Variants in DCDC1 observed in about 807,000 individuals in gnomAD.
The protein encoded by DCDC1 is doublecortin domain-containing protein 1.
Under a neutral mutation model 178.3 loss-of-function variants are expected in DCDC1, and 200 were observed. The ratio of observed to expected loss-of-function variants is 1.12; its 90% CI spans 1.00 to 1.26. The LOEUF (loss-of-function observed/expected upper bound fraction) is 1.26. Ranked by LOEUF, DCDC1 falls within the 50% of genes most tolerant of loss-of-function variation. The pLI is 0.00. For missense variants in DCDC1, 1,983 were observed against 1,749.2 expected (o/e 1.13, Z -2.38); for synonymous variants, 690 against 604.8 (o/e 1.14, Z -2.07).
intron 1 of DCDC1, among the ~76,000 whole-genome samples, chr11:31,358,204 T>G (rs1176120716): frequency 6.6e-6 from 1 of 151,910 alleles, no homozygotes; most frequent in African/African-American, 2.4e-5. Flanking sequence ...AAGGCTACAG[T>G]AACCAAAACA....
chr11:31,152,081 A>G (rs1965229559), intron 9 of DCDC1, among the ~76,000 whole-genome samples: 1 of 152,210 alleles, frequency 6.6e-6, no homozygotes, highest in Non-Finnish European at 1.5e-5. Flanking sequence ...TTATTTGTCA[A>G]TTAAAAATAA....
intron 20 of DCDC1, among the ~76,000 whole-genome samples, chr11:31,012,191 T>G (rs1190385759): frequency 3.9e-5 from 6 of 152,206 alleles, no homozygotes; most frequent in African/African-American, 1.4e-4. Context: ...CGAATTAAAC[T>G]TCTTTTCTTT....
chr11:31,101,814 C>A (rs754478534), intron 15 of DCDC1, among the ~76,000 whole-genome samples: 1 of 152,044 alleles, frequency 6.6e-6, no homozygotes, highest in Non-Finnish European at 1.5e-5. Context: ...CAGTGGCTCA[C>A]GCCTGTAATC....
chr11:31,031,357 T>C (rs1161826207), intron 20 of DCDC1, among the ~76,000 whole-genome samples: 2 of 152,148 alleles, frequency 1.3e-5, no homozygotes, highest in Admixed American at 6.5e-5. Context: ...TCCCCTAACC[T>C]GGTAATGTTA....
intron 9 of DCDC1, chr11:31,156,079 T>G (rs889566529): frequency 1.3e-5 from 2 of 152,194 alleles, no homozygotes; most frequent in East Asian, 1.9e-4. Flanking sequence ...AAGAAACAGA[T>G]AGTAAATACT....
At chr11:30,954,900 G>A (rs746314700) in intron 20 of DCDC1, among the ~76,000 whole-genome samples, 5 of 152,042 alleles carry the variant, frequency 3.3e-5, no homozygotes, top group Non-Finnish European at 5.9e-5. Flanking sequence ...GTCTTGTTTC[G>A]TGGAGTGTTG....
intron 20 of DCDC1, among the ~76,000 whole-genome samples, chr11:31,051,729 A>G (rs1387290242): frequency 6.6e-6 from 1 of 152,166 alleles, no homozygotes; most frequent in Non-Finnish European, 1.5e-5. Context: ...AAAACTAAGC[A>G]TCATATATGG....
intron 20 of DCDC1, among the ~76,000 whole-genome samples, chr11:30,960,928 A>G (rs1949057838): frequency 6.6e-6 from 1 of 152,152 alleles, no homozygotes; most frequent in Admixed American, 6.6e-5. Context: ...GGATAGGAGT[A>G]TGAACAAAGT....
chr11:31,306,384 C>T lies in DCDC1; in HGVS notation c.439G>A (p.Ala147Thr). The change falls in exon 5 of 39, where the codon GCA becomes ACA. Residue 147 changes from alanine to threonine, a missense_variant. Physicochemically the swap from Ala to Thr is moderately conservative, Grantham distance 58. Transcript: ENST00000684477. ...TGAAATTTTAAAGAAGAGAACTCTG[C>T]AACCCTGAAGAAAAAGAAAAACAGA... is the stretch of plus-strand genomic sequence containing the variant. The part of the protein sequence containing the change: ...VSAPVGQLRV[A>T]EFSSLKFQSA... 6.3e-7 allele frequency: 1 copy of T among 1,596,266 alleles called. No homozygotes were observed. The highest frequency in any genetic ancestry group is 8.5e-7 in the Non-Finnish European group (1 of 1,173,944).
At chr11:31,054,949 C>T (rs1439945896) in intron 20 of DCDC1, among the ~76,000 whole-genome samples, 1 of 152,018 alleles carries the variant, frequency 6.6e-6, no homozygotes, top group Non-Finnish European at 1.5e-5. Context: ...TGATGAAGAA[C>T]CTAAAAGCAA....
intron 37 of DCDC1, 75 bp downstream of exon 37, chr11:30,881,083 T>C: frequency 6.6e-7 from 1 of 1,519,294 alleles, no homozygotes; most frequent in Non-Finnish European, 9.0e-7. Flanking sequence ...TGTGATGGGA[T>C]ATAAGCTCTT....
chr11:31,146,293 C>T (rs1352300742), intron 9 of DCDC1, among the ~76,000 whole-genome samples: 1 of 151,988 alleles, frequency 6.6e-6, no homozygotes, highest in East Asian at 1.9e-4. Flanking sequence ...ACCATGTTGG[C>T]CAGGCTGGTC....
At chr11:31,316,052 C>T (rs1191759942) in intron 3 of DCDC1, among the ~76,000 whole-genome samples, 1 of 93,404 alleles carries the variant, frequency 1.1e-5, no homozygotes, top group Non-Finnish European at 2.0e-5. Context: ...ATCCATCTAT[C>T]ATTGTTGGAC....
chr11:31,052,239 G>T (rs187120135), intron 20 of DCDC1, among the ~76,000 whole-genome samples: 1 of 151,986 alleles, frequency 6.6e-6, no homozygotes, highest in African/African-American at 2.4e-5. Flanking sequence ...AAGCAACAGC[G>T]GTTAAAAGAG....
chr11:31,066,211 T>A (rs1956240049), intron 18 of DCDC1, among the ~76,000 whole-genome samples: 1 of 152,238 alleles, frequency 6.6e-6, no homozygotes, highest in South Asian at 2.1e-4. Flanking sequence ...GGCTCTAGCC[T>A]AGCTTACCAA....
chr11:31,283,376 T>A (rs539225924), intron 7 of DCDC1, among the ~76,000 whole-genome samples: 2 of 148,800 alleles, frequency 1.3e-5, no homozygotes, highest in Non-Finnish European at 3.0e-5. Context: ...TTTTTTTTTT[T>A]GTTTTTTGTT....
At chr11:31,139,668 G>A (rs1430517884) in intron 9 of DCDC1, among the ~76,000 whole-genome samples, 1 of 152,096 alleles carries the variant, frequency 6.6e-6, no homozygotes, top group Non-Finnish European at 1.5e-5. Context: ...CGATGCTAAC[G>A]AGTTTTCAGG....
chr11:30,990,513 G>C (rs1565159519), intron 20 of DCDC1, among the ~76,000 whole-genome samples: 1 of 152,120 alleles, frequency 6.6e-6, no homozygotes, highest in East Asian at 1.9e-4. Flanking sequence ...AAATATAAGA[G>C]ACAAGATGTG....
At chr11:30,872,600 C>A (rs1276686662) in intron 38 of DCDC1, among the ~76,000 whole-genome samples, 4 of 152,098 alleles carry the variant, frequency 2.6e-5, no homozygotes, top group Non-Finnish European at 4.4e-5. Flanking sequence ...GTAGCTTGAG[C>A]ATGCCACGCT....
Sources: allele counts gnomAD v4.1 joint callset (sites outside exome capture counted in the v4.1 genomes callset), GRCh38; gene constraint gnomAD v4.1.1; transcripts MANE v1.5; gene names NCBI Gene and HGNC (gene_info 2026-07-23, HGNC 2026-07-21).